The following NCOA3 variants were observed in gnomAD, a reference collection of about 807,000 sequenced individuals.
NCOA3 encodes CBP-interacting protein.
Under a neutral mutation model 158.8 loss-of-function variants are expected in NCOA3, and 51 were observed. The ratio of observed to expected loss-of-function variants is 0.32; its 90% CI spans 0.26 to 0.41. NCOA3 has a LOEUF of 0.41. Among genes scored for constraint, NCOA3 ranks in the 10% least tolerant of loss-of-function variants. The pLI is 1.00. For synonymous variants in NCOA3, 537 were observed against 592.4 expected (o/e 0.91, Z 1.36); for missense variants, 1,510 against 1,746.6 (o/e 0.86, Z 2.41).
intron 13 of NCOA3, among the ~76,000 whole-genome samples, chr20:47,638,088 C>G (rs761278656): frequency 2.6e-5 from 4 of 152,038 alleles, no homozygotes; most frequent in Non-Finnish European, 5.9e-5. Flanking sequence ...ATATATTTTT[C>G]TTAGCCACAG....
intron 2 of NCOA3, among the ~76,000 whole-genome samples, chr20:47,588,913 A>G (rs1482219374): frequency 2.0e-5 from 3 of 151,976 alleles, no homozygotes; most frequent in African/African-American, 7.3e-5. Context: ...TTAAAGACTG[A>G]ATTTGGCTCT....
At chr20:47,604,108 T>C (rs1342084404) in intron 2 of NCOA3, among the ~76,000 whole-genome samples, 1 of 152,202 alleles carries the variant, frequency 6.6e-6, no homozygotes, top group African/African-American at 2.4e-5. Flanking sequence ...ATTCCATTTT[T>C]CTTAATTACC....
Position 47,505,707 on chromosome 20 carries a change from T to G in NCOA3, c.-99+3688T>G, listed in dbSNP as rs149068689. Among the ~76,000 whole-genome samples the G allele has an allele frequency of 1.5e-3, 228 of 152,180 alleles. 2 individuals carry two copies. Among genetic ancestry groups the G allele is most frequent in the African/African-American group, 5.1e-3 (214 of 41,554 alleles). ...CTTTTTCTTATTTTTTTCTCATACT[T>G]CAAAAAATTGAAAAACAAGGGGACT... On this transcript the variant is annotated intron_variant, in intron 1 of 22. Transcript: ENST00000371998.
Position 47,655,077 on chromosome 20 carries a change from T to C in NCOA3, c.*1660T>C, listed in dbSNP as rs916561162. 6.6e-6 allele frequency: 1 copy of C among 152,170 alleles called. No individual in the cohort carries two copies. Among genetic ancestry groups the C allele is most frequent in the Non-Finnish European group, 1.5e-5 (1 of 68,032 alleles). 9.4% of individuals were successfully genotyped at this position (152,170 alleles called of 1,614,324 possible). The stretch of plus-strand genomic sequence containing the variant: ...GGATTAGAATAGTGTCAGTTATTTC[T>C]TAAGTAACTCAGTACCCAGAACAGC... On this transcript the variant is annotated 3_prime_UTR_variant, in exon 23 of 23. Coordinates refer to ENST00000371998, the MANE Select transcript of NCOA3 (RefSeq NM_181659.3).
chr20:47,549,379 T>C (rs2084893183), intron 1 of NCOA3, among the ~76,000 whole-genome samples: 1 of 150,874 alleles, frequency 6.6e-6, no homozygotes, highest in Admixed American at 6.6e-5. Context: ...AAAAAAAAAT[T>C]AGCTGGGCAT....
intron 1 of NCOA3, among the ~76,000 whole-genome samples, chr20:47,537,166 A>T (rs891696774): frequency 1.3e-5 from 2 of 152,058 alleles, no homozygotes; most frequent in Non-Finnish European, 2.9e-5. Flanking sequence ...GGTTTAGAGG[A>T]TATGCTATCT....
rs189110429 is a variant in NCOA3 at position 47,570,215 on chromosome 20, C to T, written c.-98-12968C>T. ...GGCTCACACCTGTAATCCCAGCAGGCGGATTGCTTGAGCCCAGGACTTTGA... is the reference window on the plus strand; with the variant it reads ...GGCTCACACCTGTAATCCCAGCAGGTGGATTGCTTGAGCCCAGGACTTTGA... On this transcript the variant is annotated intron_variant, in intron 1 of 22. Transcript: ENST00000371998. Among the ~76,000 whole-genome samples the T allele has an allele frequency of 9.2e-4, 140 of 152,064 alleles. 1 individual carries two copies. Among genetic ancestry groups the T allele is most frequent in the African/African-American group, 3.2e-3 (134 of 41,462 alleles).
chr20:47,621,039 T>C (rs751322758), intron 2 of NCOA3, among the ~76,000 whole-genome samples: 11 of 152,316 alleles, frequency 7.2e-5, no homozygotes, highest in Admixed American at 1.3e-4. Context: ...TTTTAAGTCT[T>C]TTTCTGTCCT....
At position 47,639,756 on chromosome 20, in the gene NCOA3, C is replaced by G. The variant is rs188628967; in HGVS notation, c.2887C>G (p.Leu963Val). ...ALGGSIPTLP[L>V]RSNSIPGARP... The stretch of plus-strand genomic sequence containing the variant: ...GGGTGGCTCTATTCCCACATTGCCT[C>G]TTCGGTCTAATAGCATACCAGGTGC... Residue 963 changes from leucine to valine, a missense_variant, in exon 15 of 23, where the codon CTT (leucine) becomes GTT (valine). By Grantham distance (32) the Leu-to-Val change is conservative. Coordinates refer to ENST00000371998, the MANE Select transcript of NCOA3 (RefSeq NM_181659.3). The G allele has an allele frequency of 2.2e-4, 363 of 1,614,204 alleles. No individual in the cohort carries two copies. Among genetic ancestry groups the G allele is most frequent in the Non-Finnish European group, 2.9e-5 (34 of 1,180,032 alleles).
intron 3 of NCOA3, 114 bp from the exon 4 acceptor site, chr20:47,623,793 GAAAA>G: frequency 3.1e-5 from 25 of 802,812 alleles, no homozygotes; most frequent in East Asian, 6.8e-5. Flanking sequence ...CTGTCTCGAG[GAAAA>G]AAAAAAAAAA....
rs183612812 is a variant in NCOA3 at position 47,505,142 on chromosome 20, A to C, written c.-99+3123A>C. Among the ~76,000 whole-genome samples, 537 of 145,378 alleles carry C rather than the reference A, an allele frequency of 3.7e-3. 1 individual carries two copies. Among genetic ancestry groups the C allele is most frequent in the Non-Finnish European group, 5.5e-3 (365 of 66,466 alleles). ...AGCGGCGCGATCTTGGCTCACTGCA[A>C]CCTCTGCCTCCTGGGTTCAAGCAAT... On this transcript the variant is annotated intron_variant, in intron 1 of 22. Transcript: ENST00000371998.
At chr20:47,616,380 A>G (rs1233493795) in intron 2 of NCOA3, among the ~76,000 whole-genome samples, 7 of 151,424 alleles carry the variant, frequency 4.6e-5, no homozygotes, top group South Asian at 2.1e-4. Context: ...TTTAGTAGAG[A>G]TGGGGTTTCA....
chr20:47,578,246 C>T lies in NCOA3; in HGVS notation c.-98-4937C>T, dbSNP rs185872398. On this transcript the variant is annotated intron_variant, in intron 1 of 22. Coordinates refer to ENST00000371998, the MANE Select transcript of NCOA3 (RefSeq NM_181659.3). ...TGTTGCCCAGGCTGGAGTGCAGTGG[C>T]GCGATCTCAGCTCACTGCAACCTCT... Among the ~76,000 whole-genome samples the T allele has an allele frequency of 2.4e-3, 361 of 152,190 alleles. 1 individual carries two copies. The highest frequency in any genetic ancestry group is 4.4e-3 in the Non-Finnish European group (298 of 68,018).
rs2086857365 is a variant in NCOA3, at chr20:47,655,507, C to G, written c.*2090C>G. On this transcript the variant is annotated 3_prime_UTR_variant, in exon 23 of 23. Coordinates refer to ENST00000371998, the MANE Select transcript of NCOA3 (RefSeq NM_181659.3). ...CCACCACCAGAGTGGATCTTATTTT[C>G]AAAGCAGTATAGACAATTATGAGTT... 1 of 152,544 alleles carries G rather than the reference C, an allele frequency of 6.6e-6. No individual in the cohort carries two copies. Among genetic ancestry groups the G allele is most frequent in the Admixed American group, 6.5e-5 (1 of 15,276 alleles). 9.4% of individuals were successfully genotyped at this position (152,544 alleles called of 1,614,324 possible). A position where few individuals can be genotyped will look rare whatever the true frequency, so the allele number is the denominator to read the frequency against.
intron 1 of NCOA3, among the ~76,000 whole-genome samples, chr20:47,526,889 TGCC>T (rs2084463776): frequency 6.6e-6 from 1 of 152,174 alleles, no homozygotes; most frequent in Admixed American, 6.5e-5. Flanking sequence ...GTGATCCACC[TGCC>T]TCGGCCTCCC....
intron 1 of NCOA3, among the ~76,000 whole-genome samples, chr20:47,563,411 A>G (rs1182780681): frequency 6.6e-6 from 1 of 152,208 alleles, no homozygotes; most frequent in Non-Finnish European, 1.5e-5. Context: ...CATATGTAGA[A>G]GGAATAGATA....
intron 1 of NCOA3, among the ~76,000 whole-genome samples, chr20:47,579,143 A>G (rs2085414778): frequency 6.6e-6 from 1 of 152,190 alleles, no homozygotes; most frequent in Non-Finnish European, 1.5e-5. Flanking sequence ...AAGGCTTAAA[A>G]TAAAAACCTA....
chr20:47,517,533 C>T (rs1398850539), intron 1 of NCOA3, among the ~76,000 whole-genome samples: 3 of 150,718 alleles, frequency 2.0e-5, no homozygotes, highest in African/African-American at 7.4e-5. Context: ...TCACTACAAC[C>T]TCTGCCTTCC....
At chr20:47,577,044 C>A (rs943684138) in intron 1 of NCOA3, among the ~76,000 whole-genome samples, 12 of 152,192 alleles carry the variant, frequency 7.9e-5, no homozygotes, top group African/African-American at 2.9e-4. Flanking sequence ...ATCTGCCAAC[C>A]AGATTTTTAA....
Sources: allele counts gnomAD v4.1 joint callset (sites outside exome capture counted in the v4.1 genomes callset), GRCh38; gene constraint gnomAD v4.1.1; transcripts MANE v1.5; gene names NCBI Gene and HGNC (gene_info 2026-07-23, HGNC 2026-07-21).